The following MVB12B variants were observed in gnomAD, a reference collection of about 807,000 sequenced individuals.
MVB12B encodes ESCRT-I complex subunit MVB12B.
MVB12B carries 16 observed loss-of-function variants against 41.6 expected under a neutral mutation model. The observed-to-expected ratio is 0.38, with a 90% CI of 0.26 to 0.58. The LOEUF (loss-of-function observed/expected upper bound fraction) is 0.58. MVB12B is among the 20% of genes least tolerant of loss of function. The pLI, the probability that MVB12B is intolerant of heterozygous loss-of-function variation, is 0.62. For synonymous variants in MVB12B, 133 were observed against 139.7 expected (o/e 0.95, Z 0.34); for missense variants, 274 against 380.2 (o/e 0.72, Z 2.32).
At chr9:126,466,905 G>T (rs1453955195) in intron 7 of MVB12B, among the ~76,000 whole-genome samples, 1 of 151,830 alleles carries the variant, frequency 6.6e-6, no homozygotes, top group African/African-American at 2.4e-5. Flanking sequence ...TCAGCTCACT[G>T]CATCCTCCAC....
intron 9 of MVB12B, among the ~76,000 whole-genome samples, 183 bp downstream of exon 9, chr9:126,484,215 A>G (rs934918350): frequency 3.3e-5 from 5 of 152,188 alleles, no homozygotes; most frequent in African/African-American, 1.2e-4. Flanking sequence ...ACTAAATTCT[A>G]ATGTATTTCC....
At position 126,486,955 on chromosome 9, in the gene MVB12B, G is replaced by T. The variant is rs1301221048; in HGVS notation, c.873+2923G>T. On this transcript the variant is annotated intron_variant, in intron 9 of 9. Transcript: ENST00000361171. This position sits in a 1 kb window ranked among gnomAD's most constrained non-coding sequence, Gnocchi z 4.7. ...GTGACGGTCCCAGTGTGGGGTCCAGGGCGGGTGGTGGGAACCCTGCAAACC... is the reference window on the plus strand; with the variant it reads ...GTGACGGTCCCAGTGTGGGGTCCAGTGCGGGTGGTGGGAACCCTGCAAACC... Among the ~76,000 whole-genome samples the T allele has an allele frequency of 6.6e-6, 1 of 152,158 alleles. No homozygotes were observed. The highest frequency in any genetic ancestry group is 1.5e-5 in the Non-Finnish European group (1 of 68,022).
At chr9:126,489,747 G>A (rs1417230103) in intron 9 of MVB12B, among the ~76,000 whole-genome samples, 1 of 152,170 alleles carries the variant, frequency 6.6e-6, no homozygotes, top group Non-Finnish European at 1.5e-5. Context: ...CCGTCACCTC[G>A]CACCCAGAGC....
chr9:126,395,593 G>A lies in MVB12B; in HGVS notation c.558G>A (p.Gly186=), dbSNP rs149910528. Reference sequence around the variant, plus strand: ...CCTAAAGGGAACTGAACAGCATGGGGATCTGGTATCGAATGGGCAGAGTAC... The same window carrying A: ...CCTAAAGGGAACTGAACAGCATGGGAATCTGGTATCGAATGGGCAGAGTAC... ...YTFIGELNSM[G]IWYRMGRVPR... Residue 186 remains glycine, a synonymous_variant, in exon 6 of 10, where the codon GGG becomes GGA. Coordinates refer to ENST00000361171, the MANE Select transcript of MVB12B (RefSeq NM_033446.3). This position sits in a 1 kb window ranked among gnomAD's most constrained non-coding sequence, Gnocchi z 4.9. 3.7e-5 allele frequency: 59 copies of A among 1,614,198 alleles called. No homozygotes were observed. The African/African-American group carries it at 7.6e-4, about 21-fold the overall frequency.
chr9:126,481,665 A>G (rs543497997), intron 8 of MVB12B, among the ~76,000 whole-genome samples: 1 of 152,306 alleles, frequency 6.6e-6, no homozygotes, highest in African/African-American at 2.4e-5. Flanking sequence ...CCAGTGCCCC[A>G]TGTAGTAGGT....
In MVB12B at chr9:126,340,378, C is replaced by T; in HGVS notation, c.82-130C>T. The T allele has an allele frequency of 1.0e-6, 1 of 956,342 alleles. No individual in the cohort carries two copies. The highest frequency in any genetic ancestry group is 1.6e-6 in the Non-Finnish European group (1 of 632,528). 59.2% of individuals were successfully genotyped at this position (956,342 alleles called of 1,614,324 possible). A position where few individuals can be genotyped will look rare whatever the true frequency, so the allele number is the denominator to read the frequency against. On this transcript the variant is annotated intron_variant, in intron 1 of 9. Coordinates refer to ENST00000361171, the MANE Select transcript of MVB12B (RefSeq NM_033446.3). This position sits in a 1 kb window ranked among gnomAD's most constrained non-coding sequence, Gnocchi z 4.0. ...GAAAGGGTCACATAGGGTCAGGACT[C>T]ATTCAACCAGTACAGGTATGTGAAA... is the stretch of plus-strand genomic sequence containing the variant.
intron 2 of MVB12B, among the ~76,000 whole-genome samples, chr9:126,365,870 C>T (rs1170594323): frequency 6.6e-6 from 1 of 152,154 alleles, no homozygotes; most frequent in African/African-American, 2.4e-5. Flanking sequence ...GGTGAATGGT[C>T]AGATGTAGCA....
chr9:126,476,434 G>A (rs2119198216), intron 7 of MVB12B, among the ~76,000 whole-genome samples: 1 of 152,370 alleles, frequency 6.6e-6, no homozygotes, highest in South Asian at 2.1e-4. Flanking sequence ...CCACTGGGAG[G>A]TGGGGTGAGC....
chr9:126,423,162 C>T (rs780115352), intron 7 of MVB12B, among the ~76,000 whole-genome samples: 15 of 152,206 alleles, frequency 9.9e-5, no homozygotes, highest in Non-Finnish European at 1.8e-4. Context: ...CAGAACAGGC[C>T]TGTGGAATCC....
chr9:126,409,574 G>A (rs1481723567), intron 6 of MVB12B, among the ~76,000 whole-genome samples: 1 of 152,202 alleles, frequency 6.6e-6, no homozygotes, highest in Non-Finnish European at 1.5e-5. Context: ...GCAGAACTTA[G>A]CCTAAGCATG....
At chr9:126,484,180 C>T in intron 9 of MVB12B, 148 bp downstream of exon 9, 2 of 674,714 alleles carry the variant, frequency 3.0e-6, no homozygotes, top group Non-Finnish European at 5.1e-6. Flanking sequence ...TTCGTTGCAC[C>T]CAAATGTGTT....
intron 7 of MVB12B, among the ~76,000 whole-genome samples, chr9:126,466,637 G>A (rs1468444046): frequency 6.6e-6 from 1 of 151,980 alleles, no homozygotes; most frequent in Admixed American, 6.5e-5. Context: ...AGTTGTTAAG[G>A]AGGAAAAAAG....
At chr9:126,469,715 AG>A (rs1833273587) in intron 7 of MVB12B, among the ~76,000 whole-genome samples, 1 of 152,102 alleles carries the variant, frequency 6.6e-6, no homozygotes, top group Non-Finnish European at 1.5e-5. Context: ...GCATCTACAA[AG>A]CTCCTTTGGT....
rs576491759 is a variant in MVB12B at position 126,395,437 on chromosome 9, C to T, written c.540-138C>T. 9.8e-6 allele frequency: 10 copies of T among 1,023,684 alleles called. No homozygotes were observed. The highest frequency in any genetic ancestry group is 1.5e-5 in the Non-Finnish European group (10 of 688,490). 63.4% of individuals were successfully genotyped at this position (1,023,684 alleles called of 1,614,324 possible). On this transcript the variant is annotated intron_variant, in intron 5 of 9. Transcript: ENST00000361171. This position sits in a 1 kb window ranked among gnomAD's most constrained non-coding sequence, Gnocchi z 4.9. ...CCAGAGCACAAAGGAGACGGTGGAACCCATTTCACGTGGAGGGCAAGAATT... is the reference window on the plus strand; with the variant it reads ...CCAGAGCACAAAGGAGACGGTGGAATCCATTTCACGTGGAGGGCAAGAATT...
intron 1 of MVB12B, among the ~76,000 whole-genome samples, chr9:126,339,167 A>C (rs1829368298): frequency 6.6e-6 from 1 of 152,182 alleles, no homozygotes; most frequent in South Asian, 2.1e-4. Flanking sequence ...TGTGGGTTCC[A>C]CTGACTTCAT....
chr9:126,432,930 G>T (rs1226025377), intron 7 of MVB12B, among the ~76,000 whole-genome samples: 2 of 152,130 alleles, frequency 1.3e-5, no homozygotes, highest in African/African-American at 4.8e-5. Context: ...ACTCTCACGT[G>T]GGCCCCTGGA....
At chr9:126,443,645 T>G (rs1832697740) in intron 7 of MVB12B, among the ~76,000 whole-genome samples, 2 of 152,248 alleles carry the variant, frequency 1.3e-5, no homozygotes, top group African/African-American at 4.8e-5. Flanking sequence ...TAACACTTTT[T>G]CTATGCCATA....
At chr9:126,339,832 C>T (rs541006909) in intron 1 of MVB12B, among the ~76,000 whole-genome samples, 1 of 152,264 alleles carries the variant, frequency 6.6e-6, no homozygotes, top group South Asian at 2.1e-4. Flanking sequence ...TCATTTACAT[C>T]CACTGTCTTT....
At position 126,488,359 on chromosome 9, in the gene MVB12B, AAAAAAATAG is replaced by A. The variant is rs1449250047; in HGVS notation, c.873+4329_873+4337del. On this transcript the variant is annotated intron_variant, in intron 9 of 9. Coordinates refer to ENST00000361171, the MANE Select transcript of MVB12B (RefSeq NM_033446.3). ...ACCATTAAACCAAAAAAAAAAAAAA[AAAAAAATAG>A]AGTAAATACAAGTGGGAGACTGCTT... 4.7e-5 allele frequency among the ~76,000 whole-genome samples: 7 copies of A among 149,502 alleles called. No individual in the cohort carries two copies. In the East Asian group the frequency reaches 1.3e-3, roughly 28 times the overall value.
Sources: allele counts gnomAD v4.1 joint callset (sites outside exome capture counted in the v4.1 genomes callset), GRCh38; gene constraint gnomAD v4.1.1; non-coding constraint Gnocchi (gnomAD v3.1); transcripts MANE v1.5; gene names NCBI Gene and HGNC (gene_info 2026-07-23, HGNC 2026-07-21).